The following PACS1 variants were observed in gnomAD, a reference collection of about 807,000 sequenced individuals.
PACS1 encodes the protein phosphofurin acidic cluster sorting protein 1.
PACS1 carries 24 observed loss-of-function variants against 115.0 expected under a neutral mutation model. The ratio of observed to expected loss-of-function variants is 0.21; its 90% CI spans 0.15 to 0.29. The LOEUF (loss-of-function observed/expected upper bound fraction) is 0.29, where lower values mean the gene tolerates loss of function less well. Ranked by LOEUF, PACS1 falls within the 10% of genes least tolerant of loss-of-function variation. The probability of loss-of-function intolerance (pLI) is 1.00; values close to 1 mark genes in which losing one functional copy is unlikely to be tolerated. For synonymous variants in PACS1, 453 were observed against 504.5 expected, an observed-to-expected ratio of 0.90 and a Z score of 1.37; for missense variants, 838 against 1,251.2, an observed-to-expected ratio of 0.67 and a Z score of 4.98.
At chr11:66,128,045 A>G (rs1306525560) in intron 1 of PACS1, among the ~76,000 whole-genome samples, 1 of 152,218 alleles carries the variant, frequency 6.6e-6, no homozygotes, top group African/African-American at 2.4e-5. Flanking sequence ...GGATAAACAG[A>G]ACAGTTTTTT....
At chr11:66,224,092 G>A (rs1429198448) in intron 10 of PACS1, among the ~76,000 whole-genome samples, 1 of 151,416 alleles carries the variant, frequency 6.6e-6, no homozygotes, top group African/African-American at 2.4e-5. Flanking sequence ...AGCTACTCGC[G>A]TGGCTGAGGC....
chr11:66,238,744 G>A (rs1855752549), intron 19 of PACS1, 60 bp from the exon 20 acceptor site: 1 of 1,429,036 alleles, frequency 7.0e-7, no homozygotes, highest in East Asian at 2.4e-5. Context: ...GTTTCTGGTT[G>A]GATCAGAACA....
At position 66,233,953 on chromosome 11, in the gene PACS1, G is replaced by A; in HGVS notation, c.1993+14G>A. 1 of 1,567,054 alleles carries A rather than the reference G, an allele frequency of 6.4e-7. No individual in the cohort carries two copies. Among genetic ancestry groups the A allele is most frequent in the Non-Finnish European group, 8.7e-7 (1 of 1,153,428 alleles). On this transcript the variant is annotated intron_variant, in intron 16 of 23. Transcript: ENST00000320580. The surrounding 1 kb of genome is among the most constrained non-coding windows in gnomAD (Gnocchi z 4.5). ...TCATCCCCCTCGGTAAAGACGGGAG[G>A]CACCAGGAGGGCGTCGGGCATGAGG...
chr11:66,202,743 ATATATATATATAT>A (rs1183364613), intron 2 of PACS1, among the ~76,000 whole-genome samples: 19,336 of 58,928 alleles, frequency 0.33, 6,344 homozygotes, highest in Non-Finnish European at 0.41. Flanking sequence ...AAAAAAAAAA[ATATATATATATAT>A]ATATATATAT....
intron 2 of PACS1, among the ~76,000 whole-genome samples, chr11:66,200,179 G>C (rs1431722364): frequency 6.6e-6 from 1 of 152,002 alleles, no homozygotes; most frequent in African/African-American, 2.4e-5. Flanking sequence ...GTAGGACCTT[G>C]GGTCTACAAA....
chr11:66,140,382 A>G (rs1365505994), intron 1 of PACS1, among the ~76,000 whole-genome samples: 2 of 152,216 alleles, frequency 1.3e-5, no homozygotes, highest in Non-Finnish European at 2.9e-5. Context: ...TTCAGCAGAC[A>G]GGGAAAGATG....
intron 10 of PACS1, among the ~76,000 whole-genome samples, chr11:66,223,646 C>G (rs1407204871): frequency 1.3e-5 from 2 of 152,116 alleles, no homozygotes; most frequent in African/African-American, 4.8e-5. Context: ...AGAAAGATAC[C>G]TGGGAGCTGG....
chr11:66,149,814 A>ATC (rs1347039955), intron 1 of PACS1, among the ~76,000 whole-genome samples: 1 of 151,924 alleles, frequency 6.6e-6, no homozygotes, highest in East Asian at 1.9e-4. Flanking sequence ...CAGTGGCATG[A>ATC]TCTCGGCTCA....
At position 66,130,109 on chromosome 11, in the gene PACS1, A is replaced by G. The variant is rs143418891; in HGVS notation, c.356+59267A>G. 2.0e-5 allele frequency among the ~76,000 whole-genome samples: 3 copies of G among 152,334 alleles called. No individual in the cohort carries two copies. The East Asian group carries it at 5.8e-4, about 29-fold the overall frequency. ...CGAGTTGGGTTTTGGGTGCATGAGG[A>G]TGAATATGATACAGTCCTGCCCTTA... is the stretch of plus-strand genomic sequence containing the variant. On this transcript the variant is annotated intron_variant, in intron 1 of 23. Coordinates refer to ENST00000320580, the MANE Select transcript of PACS1 (RefSeq NM_018026.4).
intron 1 of PACS1, among the ~76,000 whole-genome samples, chr11:66,145,013 T>C (rs989173607): frequency 1.3e-5 from 2 of 152,170 alleles, no homozygotes; most frequent in African/African-American, 4.8e-5. Flanking sequence ...CGTTTGAAGA[T>C]GAAAGAGGGC....
intron 1 of PACS1, among the ~76,000 whole-genome samples, chr11:66,090,581 C>T (rs907781097): frequency 6.6e-6 from 1 of 151,966 alleles, no homozygotes; most frequent in Non-Finnish European, 1.5e-5. Flanking sequence ...AAAGTGGCAC[C>T]TGTTTTCTAA....
At chr11:66,222,613 G>T (rs2134721762) in intron 10 of PACS1, among the ~76,000 whole-genome samples, 1 of 152,302 alleles carries the variant, frequency 6.6e-6, no homozygotes, top group South Asian at 2.1e-4. Flanking sequence ...GTAGATCAAA[G>T]AAACAAATCC....
At chr11:66,148,022 G>T (rs545808289) in intron 1 of PACS1, among the ~76,000 whole-genome samples, 4 of 151,456 alleles carry the variant, frequency 2.6e-5, no homozygotes, top group Admixed American at 1.3e-4. Flanking sequence ...TGAAATATAC[G>T]GCCATAATAA....
In PACS1 at chr11:66,244,684, G is replaced by A. The variant is rs1855886003; in HGVS notation, c.*1404G>A. The A allele has an allele frequency of 6.6e-6, 1 of 152,312 alleles. No homozygotes were observed. Among genetic ancestry groups the A allele is most frequent in the African/African-American group, 2.4e-5 (1 of 41,464 alleles). 9.4% of individuals were successfully genotyped at this position (152,312 alleles called of 1,614,324 possible). A position where few individuals can be genotyped will look rare whatever the true frequency, so the allele number is the denominator to read the frequency against. On this transcript the variant is annotated 3_prime_UTR_variant, in exon 24 of 24. Transcript: ENST00000320580. ...CCTGGGCCAGAGAGAGGAGATGGGGGTGGGAGGGACTGAGTTGATGTTGGG... is the reference window on the plus strand; with the variant it reads ...CCTGGGCCAGAGAGAGGAGATGGGGATGGGAGGGACTGAGTTGATGTTGGG...
intron 1 of PACS1, among the ~76,000 whole-genome samples, chr11:66,191,868 C>T (rs1344928590): frequency 6.6e-6 from 1 of 151,932 alleles, no homozygotes; most frequent in Non-Finnish European, 1.5e-5. Context: ...ACTAAAAATA[C>T]AAAAATTAGC....
intron 1 of PACS1, among the ~76,000 whole-genome samples, chr11:66,113,173 C>A (rs949707168): frequency 6.6e-6 from 1 of 152,152 alleles, no homozygotes; most frequent in Non-Finnish European, 1.5e-5. Flanking sequence ...TTAAATCAGT[C>A]CACTTTATTG....
chr11:66,172,857 T>C (rs969187270), intron 1 of PACS1, among the ~76,000 whole-genome samples: 11 of 151,362 alleles, frequency 7.3e-5, no homozygotes, highest in Admixed American at 5.9e-4. Context: ...GTGCCTGTAG[T>C]CCCAGCTACT....
intron 1 of PACS1, among the ~76,000 whole-genome samples, chr11:66,167,156 ATT>A (rs1859623472): frequency 6.7e-6 from 1 of 150,030 alleles, no homozygotes; most frequent in Admixed American, 6.6e-5. Flanking sequence ...ATTTGAGCAT[ATT>A]TTTGTATATT....
At chr11:66,153,225 G>A (rs1164037580) in intron 1 of PACS1, among the ~76,000 whole-genome samples, 1 of 152,036 alleles carries the variant, frequency 6.6e-6, no homozygotes, top group African/African-American at 2.4e-5. Context: ...TGAACTCCTG[G>A]GCTCAAGCTA....
Sources: gnomAD v4.1 joint callset for allele counts (sites outside exome capture counted in the v4.1 genomes callset) on GRCh38, gnomAD v4.1.1 for gene constraint, Gnocchi (gnomAD v3.1) non-coding constraint, MANE v1.5 for transcripts, NCBI Gene and HGNC (gene_info 2026-07-23, HGNC 2026-07-21) for gene names.